Variants in PTPRD observed in about 807,000 individuals in gnomAD.
PTPRD encodes receptor-type tyrosine-protein phosphatase delta.
PTPRD carries 34 observed loss-of-function variants against 214.5 expected under a neutral mutation model. The observed-to-expected ratio is 0.16, with a 90% CI of 0.12 to 0.21. The LOEUF (loss-of-function observed/expected upper bound fraction) is 0.21, where lower values mean the gene tolerates loss of function less well. PTPRD is among the 10% of genes least tolerant of loss of function. PTPRD has a pLI of 1.00. For missense variants in PTPRD, 2,545 were observed against 2,398.7 expected (o/e 1.06, Z -1.27); for synonymous variants, 1,128 against 845.7 (o/e 1.33, Z -5.79).
chr9:8,737,967 G>A (rs991582642), intron 11 of PTPRD, among the ~76,000 whole-genome samples: 1 of 151,870 alleles, frequency 6.6e-6, no homozygotes, highest in Admixed American at 6.6e-5. Flanking sequence ...TTCATCAGCA[G>A]GGACATGCAG....
chr9:8,609,386 G>A (rs1181900242), intron 14 of PTPRD, among the ~76,000 whole-genome samples: 1 of 152,208 alleles, frequency 6.6e-6, no homozygotes, highest in Non-Finnish European at 1.5e-5. Flanking sequence ...TTCATGTTTT[G>A]TGGTTTTGTC....
At chr9:8,637,930 T>C (rs941509838) in intron 12 of PTPRD, among the ~76,000 whole-genome samples, 2 of 151,952 alleles carry the variant, frequency 1.3e-5, no homozygotes, top group Non-Finnish European at 2.9e-5. Context: ...TAATGAAAAA[T>C]GCACACACAC....
At chr9:8,327,842 C>CTTTG (rs1835529487) in intron 44 of PTPRD, among the ~76,000 whole-genome samples, 1 of 152,118 alleles carries the variant, frequency 6.6e-6, no homozygotes, top group Admixed American at 6.6e-5. Flanking sequence ...GTATCCCCTG[C>CTTTG]TTTGTTTTGC....
chr9:9,995,134 C>A (rs2096075843), intron 4 of PTPRD, among the ~76,000 whole-genome samples: 1 of 152,102 alleles, frequency 6.6e-6, no homozygotes, highest in African/African-American at 2.4e-5. Context: ...ATTCTGGCTA[C>A]TTTTTGCCTA....
chr9:8,350,049 A>G (rs1452516467), intron 39 of PTPRD, among the ~76,000 whole-genome samples: 2 of 151,950 alleles, frequency 1.3e-5, no homozygotes. Context: ...TTACTTCAAT[A>G]TTATCATTCA....
At chr9:9,270,820 A>G (rs144533603) in intron 9 of PTPRD, among the ~76,000 whole-genome samples, 1 of 151,514 alleles carries the variant, frequency 6.6e-6, no homozygotes, top group Non-Finnish European at 1.5e-5. Flanking sequence ...AGAAAAGTTA[A>G]CAGGATTCAC....
intron 3 of PTPRD, among the ~76,000 whole-genome samples, chr9:10,165,696 T>C (rs1025033109): frequency 1.1e-4 from 17 of 151,704 alleles, no homozygotes; most frequent in South Asian, 6.2e-4. Context: ...ATTAAAATAA[T>C]GGAGGACAAA....
intron 27 of PTPRD, 69 bp downstream of exon 27, chr9:8,492,793 G>A (rs2097178221): frequency 2.8e-6 from 3 of 1,079,188 alleles, no homozygotes; most frequent in Non-Finnish European, 4.0e-6. Context: ...AAGCCTGCTA[G>A]AAGCTACCTA....
chr9:9,823,922 A>G (rs995830912), intron 5 of PTPRD, among the ~76,000 whole-genome samples: 17 of 152,122 alleles, frequency 1.1e-4, no homozygotes, highest in African/African-American at 4.1e-4. Flanking sequence ...GAATATCTCA[A>G]TTATGTTGAT....
intron 12 of PTPRD, among the ~76,000 whole-genome samples, chr9:8,720,262 G>A (rs914016327): frequency 1.3e-5 from 2 of 152,122 alleles, no homozygotes; most frequent in African/African-American, 4.8e-5. Context: ...CTCTCTGTGG[G>A]GTCCCTTCAG....
chr9:10,431,771 A>C (rs1478304216), intron 2 of PTPRD, among the ~76,000 whole-genome samples: 11 of 152,224 alleles, frequency 7.2e-5, no homozygotes, highest in Admixed American at 6.5e-5. Flanking sequence ...GCAATCATTA[A>C]AAAGTCAGGA....
chr9:9,275,897 G>A lies in PTPRD; in HGVS notation c.-202-92534C>T, dbSNP rs554607720. Among the ~76,000 whole-genome samples the A allele has an allele frequency of 2.6e-5, 4 of 151,074 alleles. No individual in the cohort carries two copies. The Admixed American group carries it at 2.7e-4, about 10-fold the overall frequency. ...AAGGATTCTTCTACTATACTAGAAT[G>A]TCCCCAGGCCGTGAAGGAGATTGAG... On this transcript the variant is annotated intron_variant, in intron 9 of 45. Transcript: ENST00000381196.
At chr9:9,175,938 CAA>C (rs1294802790) in intron 10 of PTPRD, among the ~76,000 whole-genome samples, 1 of 152,136 alleles carries the variant, frequency 6.6e-6, no homozygotes, top group African/African-American at 2.4e-5. Context: ...GAAAGAAGCA[CAA>C]AGTCTTTTAT....
chr9:9,022,634 A>T (rs2099573755), intron 10 of PTPRD, among the ~76,000 whole-genome samples: 1 of 152,120 alleles, frequency 6.6e-6, no homozygotes, highest in Admixed American at 6.6e-5. Flanking sequence ...TCGCCCAAGG[A>T]TGCATTTCTC....
chr9:9,753,541 T>C (rs1260848388), intron 6 of PTPRD, among the ~76,000 whole-genome samples: 2 of 152,068 alleles, frequency 1.3e-5, no homozygotes, highest in African/African-American at 2.4e-5. Flanking sequence ...GTGTGTTTGC[T>C]TGTTATACAT....
At chr9:8,536,226 T>G (rs1385111574) in intron 14 of PTPRD, among the ~76,000 whole-genome samples, 1 of 151,980 alleles carries the variant, frequency 6.6e-6, no homozygotes, top group African/African-American at 2.4e-5. Context: ...ATCTTCATCA[T>G]GTAGTGATGA....
At chr9:8,384,280 C>T (rs1240055897) in intron 37 of PTPRD, among the ~76,000 whole-genome samples, 1 of 152,130 alleles carries the variant, frequency 6.6e-6, no homozygotes. Context: ...AATTCGTGTG[C>T]TTATTGGCAT....
intron 3 of PTPRD, among the ~76,000 whole-genome samples, chr9:10,267,294 T>C (rs543298466): frequency 1.3e-5 from 2 of 151,336 alleles, no homozygotes; most frequent in African/African-American, 2.4e-5. Flanking sequence ...AAATAAAAAA[T>C]AGATATACAA....
intron 3 of PTPRD, among the ~76,000 whole-genome samples, chr9:10,302,645 C>A (rs933315995): frequency 3.3e-5 from 5 of 152,096 alleles, no homozygotes; most frequent in African/African-American, 1.2e-4. Flanking sequence ...TTTAAAACAA[C>A]AAAGATCAAA....
Sources: gnomAD v4.1 joint callset for allele counts (sites outside exome capture counted in the v4.1 genomes callset) on GRCh38, gnomAD v4.1.1 for gene constraint, MANE v1.5 for transcripts, NCBI Gene and HGNC (gene_info 2026-07-23, HGNC 2026-07-21) for gene names.